The following SLC1A7 variants were observed in gnomAD, a reference collection of about 807,000 sequenced individuals.
The protein encoded by SLC1A7 is solute carrier family 1 member 7, also known as excitatory amino acid transporter 5.
A neutral mutation model predicts 47.7 loss-of-function variants in SLC1A7; 40 were observed. That is an observed-to-expected ratio of 0.84 (90% CI 0.65 to 1.09). The LOEUF (loss-of-function observed/expected upper bound fraction) is 1.09, where lower values mean the gene tolerates loss of function less well. Ranked by LOEUF, SLC1A7 falls within the 50% of genes least tolerant of loss-of-function variation. SLC1A7 has a pLI of 0.00. For synonymous variants in SLC1A7, 323 were observed against 325.6 expected (o/e 0.99, Z 0.09); for missense variants, 746 against 769.5 (o/e 0.97, Z 0.36).
chr1:53,099,693 G>A (rs989211496), intron 5 of SLC1A7, among the ~76,000 whole-genome samples: 95 of 105,650 alleles, frequency 9.0e-4, no homozygotes, highest in Non-Finnish European at 1.7e-3. Flanking sequence ...ACACTGCCTC[G>A]GTACACTCAC....
intron 5 of SLC1A7, 47 bp downstream of exon 5, chr1:53,103,299 T>TG (rs1557674848): frequency 6.9e-7 from 1 of 1,438,950 alleles, no homozygotes; most frequent in Admixed American, 2.1e-5. Context: ...TGGGAGGGGC[T>TG]GGGGGCCCGG....
intron 3 of SLC1A7, among the ~76,000 whole-genome samples, chr1:53,106,882 C>T (rs1644648248): frequency 6.6e-6 from 1 of 152,056 alleles, no homozygotes; most frequent in Admixed American, 6.5e-5. Context: ...CAGCTGGGCA[C>T]AGTAGTTCAT....
chr1:53,112,675 C>T (rs1159302507), intron 3 of SLC1A7, among the ~76,000 whole-genome samples: 1 of 152,158 alleles, frequency 6.6e-6, no homozygotes, highest in South Asian at 2.1e-4. Flanking sequence ...TGTCCAAAGG[C>T]CCTGGGAAAG....
intron 2 of SLC1A7, among the ~76,000 whole-genome samples, chr1:53,131,573 C>G (rs2150344031): frequency 6.6e-6 from 1 of 152,372 alleles, no homozygotes; most frequent in Non-Finnish European, 1.5e-5. Context: ...GTCTCCCCAG[C>G]AGTCTGTGAA....
intron 2 of SLC1A7, among the ~76,000 whole-genome samples, chr1:53,123,927 G>A (rs1453908981): frequency 6.6e-6 from 1 of 152,238 alleles, no homozygotes; most frequent in Admixed American, 6.5e-5. Context: ...CTGACTCGGA[G>A]GGCAGCATCC....
At chr1:53,140,239 T>C (rs779345500) in intron 1 of SLC1A7, among the ~76,000 whole-genome samples, 2 of 152,212 alleles carry the variant, frequency 1.3e-5, no homozygotes, top group Admixed American at 1.3e-4. Context: ...TCCAAACAGA[T>C]GGGAAAGGCA....
chr1:53,120,416 T>G (rs1644806381), intron 2 of SLC1A7, among the ~76,000 whole-genome samples: 3 of 151,980 alleles, frequency 2.0e-5, no homozygotes, highest in Admixed American at 2.0e-4. Flanking sequence ...CGGATGCCCC[T>G]CCCCCAGTTT....
Position 53,134,366 on chromosome 1 carries a change from G to A in SLC1A7, c.199C>T (p.Pro67Ser). The change falls in exon 2 of 11, where the codon CCA becomes TCA. Residue 67 changes from proline (P) to serine (S), a missense_variant. Physicochemically the swap from Pro to Ser is moderately conservative, Grantham distance 74. Transcript: ENST00000371494. ...LMRMLKMMILPLVVSSLMSGL... is the reference protein window; with the variant it reads ...LMRMLKMMILSLVVSSLMSGL... Reference sequence around the variant, plus strand: ...CGCTCTCACCTGGAGACCACCAGTGGCAGGATCATCATCTTCAGCATCCTC... The same window carrying A: ...CGCTCTCACCTGGAGACCACCAGTGACAGGATCATCATCTTCAGCATCCTC... 1 of 1,613,026 alleles carries A rather than the reference G, an allele frequency of 6.2e-7. No individual in the cohort carries two copies.
intron 1 of SLC1A7, among the ~76,000 whole-genome samples, chr1:53,142,091 G>A (rs1284490782): frequency 6.6e-6 from 1 of 152,156 alleles, no homozygotes; most frequent in African/African-American, 2.4e-5. Flanking sequence ...TGATGGTGCT[G>A]GGTTTGTAAT....
chr1:53,106,703 T>G (rs1557677049), intron 3 of SLC1A7, among the ~76,000 whole-genome samples: 1 of 152,188 alleles, frequency 6.6e-6, no homozygotes, highest in Non-Finnish European at 1.5e-5. Context: ...CACCTCTAAG[T>G]GTTTCGTACT....
chr1:53,091,520 G>T (rs1053085222), intron 7 of SLC1A7, among the ~76,000 whole-genome samples: 4 of 152,208 alleles, frequency 2.6e-5, no homozygotes, highest in Admixed American at 6.5e-5. Flanking sequence ...TGGCATGGGA[G>T]CTGGCATGTT....
intron 1 of SLC1A7, 83 bp downstream of exon 1, chr1:53,142,232 G>C: frequency 6.9e-7 from 1 of 1,441,376 alleles, no homozygotes; most frequent in South Asian, 1.4e-5. Context: ...CCAGGGAGCT[G>C]TGATGCTAGA....
At chr1:53,133,356 T>G (rs1406933692) in intron 2 of SLC1A7, among the ~76,000 whole-genome samples, 1 of 152,194 alleles carries the variant, frequency 6.6e-6, no homozygotes, top group Non-Finnish European at 1.5e-5. Flanking sequence ...GGCTGAGTCC[T>G]GAGAAATTTA....
chr1:53,125,618 G>C (rs1316035248), intron 2 of SLC1A7, among the ~76,000 whole-genome samples: 1 of 152,196 alleles, frequency 6.6e-6, no homozygotes. Flanking sequence ...AACTCCCGGG[G>C]AGCTGATCTC....
At chr1:53,106,925 T>C (rs1644648907) in intron 3 of SLC1A7, among the ~76,000 whole-genome samples, 1 of 152,000 alleles carries the variant, frequency 6.6e-6, no homozygotes, top group Non-Finnish European at 1.5e-5. Context: ...GAGGCCAAGG[T>C]GGGCACATCA....
At chr1:53,113,988 C>T (rs922643896) in intron 3 of SLC1A7, among the ~76,000 whole-genome samples, 2 of 152,142 alleles carry the variant, frequency 1.3e-5, no homozygotes, top group African/African-American at 4.8e-5. Context: ...TCACCGGCAG[C>T]CCCAGCTTCC....
At chr1:53,095,859 T>C (rs1256182019) in intron 5 of SLC1A7, among the ~76,000 whole-genome samples, 1 of 140,314 alleles carries the variant, frequency 7.1e-6, no homozygotes, top group African/African-American at 2.8e-5. Flanking sequence ...ACCACCTCAG[T>C]ACACTCACAC....
chr1:53,133,796 T>C (rs1241275323), intron 2 of SLC1A7, among the ~76,000 whole-genome samples: 1 of 152,078 alleles, frequency 6.6e-6, no homozygotes. Flanking sequence ...CCGTCCAAAT[T>C]CATCTCGCAC....
chr1:53,135,046 G>T (rs1028537008), intron 1 of SLC1A7, among the ~76,000 whole-genome samples: 1 of 152,038 alleles, frequency 6.6e-6, no homozygotes, highest in East Asian at 1.9e-4. Flanking sequence ...AGGGTCATTG[G>T]GGGGCTTAAA....
Sources: gnomAD v4.1 joint callset for allele counts (sites outside exome capture counted in the v4.1 genomes callset) on GRCh38, gnomAD v4.1.1 for gene constraint, MANE v1.5 for transcripts, NCBI Gene and HGNC (gene_info 2026-07-23, HGNC 2026-07-21) for gene names.